CFAP20DC: variants seen among roughly 807,000 people sequenced by gnomAD.
CFAP20DC encodes protein CFAP20DC.
Under a neutral mutation model 101.7 loss-of-function variants are expected in CFAP20DC, and 84 were observed. The ratio of observed to expected loss-of-function variants is 0.83; its 90% CI spans 0.69 to 0.99. The LOEUF is 0.99. CFAP20DC is among the 50% of genes least tolerant of loss of function. The pLI is 0.00. For synonymous variants in CFAP20DC, 359 were observed against 351.2 expected (o/e 1.02, Z -0.25); for missense variants, 1,007 against 970.3 (o/e 1.04, Z -0.50).
chr3:59,043,360 AAGG>A (rs1699570898), intron 3 of CFAP20DC, among the ~76,000 whole-genome samples: 1 of 152,192 alleles, frequency 6.6e-6, no homozygotes, highest in East Asian at 1.9e-4. Flanking sequence ...AAAATATAAG[AAGG>A]AGGTGTCAAC....
chr3:58,802,400 G>A (rs1314394405), intron 15 of CFAP20DC, among the ~76,000 whole-genome samples: 2 of 152,224 alleles, frequency 1.3e-5, no homozygotes, highest in Non-Finnish European at 2.9e-5. Flanking sequence ...CATTATGTGA[G>A]ATTATGTTAG....
Position 59,002,287 on chromosome 3 carries a change from C to T in CFAP20DC, c.278+37270G>A, listed in dbSNP as rs1411724865. On this transcript the variant is annotated intron_variant, in intron 4 of 16. Transcript: ENST00000482387. The surrounding 1 kb of genome is among the most constrained non-coding windows in gnomAD (Gnocchi z 4.5). ...CACACACATGCTGAATAATTAGCTT[C>T]CCTCCTAAGGGATACATGATCCCAC... Among the ~76,000 whole-genome samples, 1 of 152,178 alleles carries T rather than the reference C, an allele frequency of 6.6e-6. No homozygotes were observed. Among genetic ancestry groups the T allele is most frequent in the East Asian group, 1.9e-4 (1 of 5,188 alleles).
chr3:58,870,845 G>A (rs1451846361), intron 7 of CFAP20DC, among the ~76,000 whole-genome samples: 15 of 119,556 alleles, frequency 1.3e-4, no homozygotes, highest in South Asian at 5.7e-4. Context: ...CCGAGATTGC[G>A]CCACTGCAGT....
Position 58,959,256 on chromosome 3 carries a change from G to A in CFAP20DC, c.279-21494C>T, listed in dbSNP as rs146837900. On this transcript the variant is annotated intron_variant, in intron 4 of 16. Coordinates refer to ENST00000482387, the MANE Select transcript of CFAP20DC (RefSeq NM_001394063.1). ...ATTACAGGCATGTGCCACCATGCCC[G>A]GCTAATTTTGTATTTTTAGTAGGGA... Among the ~76,000 whole-genome samples the A allele has an allele frequency of 2.9e-3, 437 of 152,164 alleles. 1 individual carries two copies. Among genetic ancestry groups the A allele is most frequent in the African/African-American group, 9.8e-3 (407 of 41,544 alleles).
chr3:58,966,474 G>GTATATA lies in CFAP20DC; in HGVS notation c.279-28718_279-28713dup, dbSNP rs60270814. ...AAATATCATTGAAATATACATATGTGTATATATATATATATACACATATGT... is the reference window on the plus strand; with the variant it reads ...AAATATCATTGAAATATACATATGTGTATATATATATATATATATATACACATATGT... On this transcript the variant is annotated intron_variant, in intron 4 of 16. Coordinates refer to ENST00000482387, the MANE Select transcript of CFAP20DC (RefSeq NM_001394063.1). Among the ~76,000 whole-genome samples the GTATATA allele has an allele frequency of 3.9e-3, 442 of 114,710 alleles. 3 individuals carry two copies. Among genetic ancestry groups the GTATATA allele is most frequent in the African/African-American group, 0.011 (414 of 37,224 alleles). 75.3% of individuals were successfully genotyped at this position (114,710 alleles called of 152,430 possible).
At chr3:58,725,026 A>C (rs2067529328) in intron 3 of CFAP20DC, among the ~76,000 whole-genome samples, 1 of 152,220 alleles carries the variant, frequency 6.6e-6, no homozygotes, top group Non-Finnish European at 1.5e-5. Context: ...TGTTGATATT[A>C]ATGACAATTA....
intron 13 of CFAP20DC, among the ~76,000 whole-genome samples, chr3:58,842,564 G>C (rs2077223926): frequency 6.6e-6 from 1 of 152,106 alleles, no homozygotes; most frequent in Non-Finnish European, 1.5e-5. Context: ...AGATCAAACT[G>C]CAAGGCGGCA....
At chr3:58,969,502 C>T (rs1350698207) in intron 4 of CFAP20DC, among the ~76,000 whole-genome samples, 1 of 152,126 alleles carries the variant, frequency 6.6e-6, no homozygotes, top group Non-Finnish European at 1.5e-5. Context: ...CATATGTCCA[C>T]ACACAAACTG....
intron 4 of CFAP20DC, among the ~76,000 whole-genome samples, chr3:59,028,397 T>A (rs1576768796): frequency 6.6e-6 from 1 of 152,200 alleles, no homozygotes. Flanking sequence ...GATAGAAATA[T>A]CTCAGCATGA....
chr3:58,836,682 C>T (rs139176825), intron 13 of CFAP20DC, among the ~76,000 whole-genome samples: 1,646 of 152,074 alleles, frequency 0.011, 23 homozygotes, highest in Non-Finnish European at 0.015. Context: ...TGTGACAGTG[C>T]CTGATAGTCA....
At chr3:58,762,434 T>C (rs1285436969) in intron 15 of CFAP20DC, among the ~76,000 whole-genome samples, 1 of 152,224 alleles carries the variant, frequency 6.6e-6, no homozygotes, top group Non-Finnish European at 1.5e-5. Context: ...TGTGTGTCTC[T>C]GCACATGAGA....
chr3:59,005,019 G>T (rs767124593), intron 4 of CFAP20DC, among the ~76,000 whole-genome samples: 9 of 152,044 alleles, frequency 5.9e-5, no homozygotes, highest in Admixed American at 1.3e-4. Context: ...CTGTAATTTT[G>T]TAATGCCTTC....
intron 15 of CFAP20DC, among the ~76,000 whole-genome samples, chr3:58,761,020 G>A (rs1006502852): frequency 1.3e-5 from 2 of 152,174 alleles, no homozygotes; most frequent in African/African-American, 4.8e-5. Context: ...TCTCTGCCAG[G>A]CTTTGGTATC....
intron 6 of CFAP20DC, among the ~76,000 whole-genome samples, chr3:58,903,349 T>C (rs1482561055): frequency 2.6e-5 from 4 of 152,192 alleles, no homozygotes; most frequent in African/African-American, 9.7e-5. Flanking sequence ...GGAGTCCACC[T>C]CATTTTTTTG....
Position 58,868,842 on chromosome 3 carries a change from A to C in CFAP20DC, c.1015+486T>G, listed in dbSNP as rs2108511183. Among the ~76,000 whole-genome samples the C allele has an allele frequency of 6.6e-6, 1 of 152,338 alleles. No individual in the cohort carries two copies. Among genetic ancestry groups the C allele is most frequent in the Middle Eastern group, 3.4e-3 (1 of 294 alleles). ...GTCTAAATTATTTCTAAAGGTTACAAACTGCAAATCACTTTACCTCTTTGC... is the reference window on the plus strand; with the variant it reads ...GTCTAAATTATTTCTAAAGGTTACACACTGCAAATCACTTTACCTCTTTGC... On this transcript the variant is annotated intron_variant, in intron 9 of 16. Coordinates refer to ENST00000482387, the MANE Select transcript of CFAP20DC (RefSeq NM_001394063.1). This position sits in a 1 kb window ranked among gnomAD's most constrained non-coding sequence, Gnocchi z 4.6.
At chr3:59,011,710 A>T (rs566477239) in intron 4 of CFAP20DC, among the ~76,000 whole-genome samples, 2 of 152,202 alleles carry the variant, frequency 1.3e-5, no homozygotes, top group Admixed American at 1.3e-4. Context: ...AACCAAGAAA[A>T]GAAGAGAGAA....
chr3:58,931,853 A>C (rs1360058363), intron 5 of CFAP20DC, among the ~76,000 whole-genome samples: 1 of 152,246 alleles, frequency 6.6e-6, no homozygotes, highest in Non-Finnish European at 1.5e-5. Context: ...TGGAAACTCT[A>C]AAAAGCAGAG....
chr3:58,728,632 G>A lies in CFAP20DC; in HGVS notation c.198-11004C>T, dbSNP rs1163436662. ...AACTTAAAAACATAAATGAATGAAT[G>A]TCAGAGTTCCATTCATTTTAGGCTG... On this transcript the variant is annotated intron_variant, in intron 3 of 3. Transcript: ENST00000486145. This position sits in a 1 kb window ranked among gnomAD's most constrained non-coding sequence, Gnocchi z 4.7. Among the ~76,000 whole-genome samples, 2 of 152,172 alleles carry A rather than the reference G, an allele frequency of 1.3e-5. No individual in the cohort carries two copies.
intron 4 of CFAP20DC, among the ~76,000 whole-genome samples, chr3:58,979,294 C>T (rs930410892): frequency 6.6e-6 from 1 of 152,200 alleles, no homozygotes; most frequent in Non-Finnish European, 1.5e-5. Context: ...TTCTCAATTT[C>T]CTCACCTTTA....
Sources: allele counts gnomAD v4.1 joint callset (sites outside exome capture counted in the v4.1 genomes callset), GRCh38; gene constraint gnomAD v4.1.1; non-coding constraint Gnocchi (gnomAD v3.1); transcripts MANE v1.5; gene names NCBI Gene and HGNC (gene_info 2026-07-23, HGNC 2026-07-21).